The following NF1 variants were observed in gnomAD, a reference collection of about 807,000 sequenced individuals.
NF1 encodes neurofibromin.
In NF1, 122 loss-of-function variants were observed where a neutral mutation model predicts 325.7. That is an observed-to-expected ratio of 0.37 (90% CI 0.32 to 0.44). The LOEUF (loss-of-function observed/expected upper bound fraction) is 0.44, where lower values mean the gene tolerates loss of function less well. Among genes scored for constraint, NF1 ranks in the 20% least tolerant of loss-of-function variants. The pLI is 1.00. For missense variants in NF1, 2,140 were observed against 3,415.4 expected, an observed-to-expected ratio of 0.63 and a Z score of 9.31; for synonymous variants, 1,091 against 1,186.0, an observed-to-expected ratio of 0.92 and a Z score of 1.65.
intron 8 of NF1, among the ~76,000 whole-genome samples, chr17:31,192,163 T>C (rs1322279829): frequency 3.9e-5 from 6 of 152,196 alleles, no homozygotes; most frequent in African/African-American, 2.4e-5. Flanking sequence ...TTTTGAGAAA[T>C]TTATATATGT....
intron 51 of NF1, among the ~76,000 whole-genome samples, chr17:31,354,475 T>G (rs1047777706): frequency 2.0e-5 from 3 of 152,222 alleles, no homozygotes; most frequent in Non-Finnish European, 4.4e-5. Context: ...TGGAAACGAC[T>G]GTATGCCATG....
chr17:31,189,944 A>G (rs2066311790), intron 8 of NF1, among the ~76,000 whole-genome samples: 1 of 151,858 alleles, frequency 6.6e-6, no homozygotes, highest in Non-Finnish European at 1.5e-5. Flanking sequence ...TAGTTTTAGT[A>G]GAGATGGAGT....
intron 40 of NF1, among the ~76,000 whole-genome samples, 193 bp downstream of exon 40, chr17:31,335,224 TC>T (rs1482369427): frequency 1.2e-3 from 136 of 113,474 alleles, no homozygotes; most frequent in African/African-American, 4.9e-3. Flanking sequence ...AGTGCATGTC[TC>T]AGAGCCAGAG....
intron 8 of NF1, among the ~76,000 whole-genome samples, chr17:31,191,739 AT>A (rs1271078639): frequency 6.6e-6 from 1 of 152,238 alleles, no homozygotes; most frequent in Non-Finnish European, 1.5e-5. Context: ...AATAAGTGAT[AT>A]AAAAGAAAAA....
At chr17:31,324,234 T>G (rs1309099201) in intron 36 of NF1, among the ~76,000 whole-genome samples, 1 of 151,974 alleles carries the variant, frequency 6.6e-6, no homozygotes, top group Non-Finnish European at 1.5e-5. Context: ...GCCCAGCTAA[T>G]TTTTGTATTT....
chr17:31,140,310 C>A (rs1916123655), intron 1 of NF1, among the ~76,000 whole-genome samples: 1 of 152,090 alleles, frequency 6.6e-6, no homozygotes, highest in Non-Finnish European at 1.5e-5. Flanking sequence ...GAGACTCAGA[C>A]TGAGAGATTA....
intron 36 of NF1, chr17:31,295,389 C>T: frequency 6.2e-7 from 1 of 1,614,104 alleles, no homozygotes; most frequent in Non-Finnish European, 8.5e-7. Flanking sequence ...AGAGTGGCAC[C>T]AAACGTTGTT....
At chr17:31,249,952 CAG>C (rs1455161964) in intron 30 of NF1, 1 of 488,840 alleles carries the variant, frequency 2.0e-6, no homozygotes, top group Admixed American at 2.3e-5. Context: ...TCTCTCTTTG[CAG>C]AGTCATCGCA....
chr17:31,107,747 CT>C (rs1912995200), intron 1 of NF1, among the ~76,000 whole-genome samples: 1 of 152,032 alleles, frequency 6.6e-6, no homozygotes, highest in Non-Finnish European at 1.5e-5. Context: ...AATTGTTTTC[CT>C]TTTGGTGCAA....
intron 38 of NF1, among the ~76,000 whole-genome samples, chr17:31,329,129 G>A (rs2069418630): frequency 6.6e-6 from 1 of 152,132 alleles, no homozygotes; most frequent in Non-Finnish European, 1.5e-5. Flanking sequence ...TCTGTGAATA[G>A]CCAATGCACA....
chr17:31,279,732 C>A (rs2068081355), intron 36 of NF1, among the ~76,000 whole-genome samples: 1 of 152,086 alleles, frequency 6.6e-6, no homozygotes, highest in South Asian at 2.1e-4. Flanking sequence ...ATAGTAAAAT[C>A]TCAGCCTCTT....
At chr17:31,359,419 C>A (rs555490609) in intron 56 of NF1, 5 of 200,206 alleles carry the variant, frequency 2.5e-5, no homozygotes, top group Non-Finnish European at 5.1e-5. Flanking sequence ...AGATTAATTT[C>A]TCTCTGGATT....
At chr17:31,247,756 A>G (rs2067421283) in intron 29 of NF1, among the ~76,000 whole-genome samples, 1 of 152,228 alleles carries the variant, frequency 6.6e-6, no homozygotes, top group Non-Finnish European at 1.5e-5. Flanking sequence ...TGTTCATTAT[A>G]ATTAGAGAAT....
In NF1 at chr17:31,316,544, C is replaced by A. The variant is rs116748018; in HGVS notation, c.4836-9276C>A. Among the ~76,000 whole-genome samples, 1,164 of 152,192 alleles carry A rather than the reference C, an allele frequency of 7.6e-3. 19 individuals carry two copies. Among genetic ancestry groups the A allele is most frequent in the African/African-American group, 0.027 (1,120 of 41,532 alleles). On this transcript the variant is annotated intron_variant, in intron 36 of 57. Transcript: ENST00000358273. ...ATTAATTTCTTTTAATTTTCTCTGA[C>A]ACGTGTTTATTTATGACCCTTGATT...
In NF1 at chr17:31,377,114, T is replaced by C. The variant is rs1181443206; in HGVS notation, c.*2959T>C. 3 of 233,590 alleles carry C rather than the reference T, an allele frequency of 1.3e-5. No homozygotes were observed. The highest frequency in any genetic ancestry group is 5.6e-5 in the Admixed American group (1 of 17,778). The allele number at this position is 233,590 out of a possible 1,614,324, so 14.5% of individuals were successfully genotyped here. On this transcript the variant is annotated 3_prime_UTR_variant, in exon 58 of 58. Coordinates refer to ENST00000358273, the MANE Select transcript of NF1 (RefSeq NM_001042492.3). ...CCCGACTCCCAGGCATAATGAGGCA[T>C]GTCTTACTCAATGTTATGCAATGGA...
chr17:31,205,684 A>G (rs1397924966), intron 11 of NF1, among the ~76,000 whole-genome samples: 2 of 152,140 alleles, frequency 1.3e-5, no homozygotes. Flanking sequence ...ATCATTGCAT[A>G]TCAATTTATA....
intron 57 of NF1, among the ~76,000 whole-genome samples, chr17:31,372,536 A>G (rs73277726): frequency 1.3e-5 from 2 of 152,300 alleles, no homozygotes; most frequent in African/African-American, 4.8e-5. Context: ...CATCATCTAC[A>G]TCAAGAAACA....
chr17:31,349,022 C>T (rs1325417276), intron 48 of NF1, 98 bp from the exon 49 acceptor site: 2 of 1,449,434 alleles, frequency 1.4e-6, no homozygotes, highest in Non-Finnish European at 9.4e-7. Flanking sequence ...ATTTCCTTTC[C>T]TTGCAGAGTT....
chr17:31,153,028 A>G (rs79898247), intron 1 of NF1, among the ~76,000 whole-genome samples: 1 of 151,910 alleles, frequency 6.6e-6, no homozygotes, highest in South Asian at 2.1e-4. Flanking sequence ...TAAAAAAAAA[A>G]TGGTCTCATT....
Sources: gnomAD v4.1 joint callset for allele counts (sites outside exome capture counted in the v4.1 genomes callset) on GRCh38, gnomAD v4.1.1 for gene constraint, MANE v1.5 for transcripts, NCBI Gene and HGNC (gene_info 2026-07-23, HGNC 2026-07-21) for gene names.